Variants in TENM3 observed in about 807,000 individuals in gnomAD.
The protein encoded by TENM3 is teneurin-3.
In TENM3, 63 loss-of-function variants were observed where a neutral mutation model predicts 255.1. The ratio of observed to expected loss-of-function variants is 0.25; its 90% CI spans 0.20 to 0.30. The LOEUF is 0.30. Among genes scored for constraint, TENM3 ranks in the 10% least tolerant of loss-of-function variants. TENM3 has a pLI of 1.00. For missense variants in TENM3, 2,929 were observed against 3,461.1 expected (o/e 0.85, Z 3.86); for synonymous variants, 1,306 against 1,322.3 (o/e 0.99, Z 0.27).
chr4:181,737,819 T>C, the TENM3 span, among the ~76,000 whole-genome samples: 1 of 151,364 alleles, frequency 6.6e-6, no homozygotes, highest in South Asian at 2.1e-4. Context: ...TAAATGCAAA[T>C]AAAAATTTTG....
the TENM3 span, among the ~76,000 whole-genome samples, chr4:181,910,617 C>CGT: frequency 1.5e-3 from 218 of 143,046 alleles, no homozygotes; most frequent in African/African-American, 3.1e-3. Flanking sequence ...TATAAATACA[C>CGT]GTGTGTGTGT....
the TENM3 span, among the ~76,000 whole-genome samples, chr4:182,090,542 C>A: frequency 6.6e-6 from 1 of 152,112 alleles, no homozygotes; most frequent in Non-Finnish European, 1.5e-5. Flanking sequence ...CCTGAGAAAG[C>A]CATACAGAGG....
chr4:181,679,799 CTAAG>C, the TENM3 span, among the ~76,000 whole-genome samples: 1 of 152,016 alleles, frequency 6.6e-6, no homozygotes, highest in Non-Finnish European at 1.5e-5. Flanking sequence ...ATACATAAAA[CTAAG>C]TCTTTCTGTT....
chr4:181,971,673 C>T, the TENM3 span, among the ~76,000 whole-genome samples: 1 of 152,038 alleles, frequency 6.6e-6, no homozygotes, highest in Non-Finnish European at 1.5e-5. Flanking sequence ...CTCAAGCAAT[C>T]CTCCCACCTC....
At chr4:181,609,827 C>A in the TENM3 span, among the ~76,000 whole-genome samples, 7,364 of 152,186 alleles carry the variant, frequency 0.048, 324 homozygotes, top group African/African-American at 0.12. Flanking sequence ...ATGTATGAGG[C>A]GCTGCAATAT....
intron 3 of TENM3, among the ~76,000 whole-genome samples, chr4:182,361,415 G>A (rs1454442558): frequency 1.7e-4 from 26 of 152,150 alleles, no homozygotes; most frequent in African/African-American, 4.6e-4. Flanking sequence ...GGCTTTGTTC[G>A]TTTCTCTTTA....
chr4:181,807,338 G>T, the TENM3 span, among the ~76,000 whole-genome samples: 1 of 152,178 alleles, frequency 6.6e-6, no homozygotes, highest in Admixed American at 6.5e-5. Flanking sequence ...CCTAAGACAT[G>T]TTACCAATCC....
chr4:182,246,509 G>C (rs1757658989), intron 1 of TENM3, among the ~76,000 whole-genome samples: 1 of 152,136 alleles, frequency 6.6e-6, no homozygotes, highest in South Asian at 2.1e-4. Flanking sequence ...TGTTGGATAA[G>C]AGACTAAAAA....
the TENM3 span, among the ~76,000 whole-genome samples, chr4:181,769,834 A>G: frequency 6.6e-6 from 1 of 152,142 alleles, no homozygotes; most frequent in East Asian, 1.9e-4. Flanking sequence ...CATTTACTAC[A>G]CCCCTTTTGT....
chr4:182,629,976 T>C (rs1464506618), intron 5 of TENM3, among the ~76,000 whole-genome samples: 1 of 152,200 alleles, frequency 6.6e-6, no homozygotes, highest in Non-Finnish European at 1.5e-5. Flanking sequence ...TGACAAGTTA[T>C]ACAGTATTTT....
At chr4:182,112,069 C>T in the TENM3 span, among the ~76,000 whole-genome samples, 1 of 152,136 alleles carries the variant, frequency 6.6e-6, no homozygotes, top group Admixed American at 6.6e-5. Flanking sequence ...GCCGGAGGAT[C>T]ACTTGACCCC....
intron 1 of TENM3, among the ~76,000 whole-genome samples, chr4:182,230,127 TAAA>T (rs34376758): frequency 0.51 from 67,927 of 134,046 alleles, 16,763 homozygotes; most frequent in Admixed American, 0.58. Flanking sequence ...TTGATGCTAC[TAAA>T]AAAAAAAAAA....
the TENM3 span, among the ~76,000 whole-genome samples, chr4:181,486,784 G>C: frequency 5.3e-5 from 8 of 152,094 alleles, no homozygotes; most frequent in African/African-American, 1.7e-4. Flanking sequence ...ATTACATCCA[G>C]ATAATAAACC....
chr4:182,473,582 T>G (rs890410041), intron 3 of TENM3, among the ~76,000 whole-genome samples: 21 of 151,468 alleles, frequency 1.4e-4, no homozygotes, highest in African/African-American at 4.1e-4. Context: ...CTGAGGCAAG[T>G]GAATGGCGTG....
intron 1 of TENM3, among the ~76,000 whole-genome samples, chr4:182,282,767 C>T (rs1474795037): frequency 2.0e-5 from 3 of 151,882 alleles, no homozygotes; most frequent in African/African-American, 7.3e-5. Flanking sequence ...GTGGCACGCG[C>T]CTGTAATCCC....
the TENM3 span, among the ~76,000 whole-genome samples, chr4:181,866,939 A>C: frequency 6.6e-6 from 1 of 151,596 alleles, no homozygotes; most frequent in Admixed American, 6.6e-5. Context: ...TCATTGCCTT[A>C]ATGATCACTT....
intron 1 of TENM3, among the ~76,000 whole-genome samples, chr4:182,266,019 AC>A (rs1258351766): frequency 6.6e-6 from 1 of 152,192 alleles, no homozygotes; most frequent in East Asian, 1.9e-4. Context: ...TACCTACCTT[AC>A]CTACCATTAG....
At chr4:182,521,856 G>C (rs976869640) in intron 3 of TENM3, among the ~76,000 whole-genome samples, 2 of 151,844 alleles carry the variant, frequency 1.3e-5, no homozygotes, top group African/African-American at 2.4e-5. Context: ...TCCCTGATTC[G>C]TTAGAGTCAA....
the TENM3 span, among the ~76,000 whole-genome samples, chr4:181,980,997 T>A: frequency 5.0e-3 from 767 of 152,278 alleles, 2 homozygotes; most frequent in Non-Finnish European, 8.4e-3. Context: ...TTTTACTGTG[T>A]TAATATGTCT....
Sources: gnomAD v4.1 joint callset for allele counts (sites outside exome capture counted in the v4.1 genomes callset) on GRCh38, gnomAD v4.1.1 for gene constraint, MANE v1.5 for transcripts, NCBI Gene and HGNC (gene_info 2026-07-23, HGNC 2026-07-21) for gene names.